Variants in TBC1D9B observed in about 807,000 individuals in gnomAD.
TBC1D9B encodes TBC1 domain family member 9B, also known as TBC1 domain family, member 9B (with GRAM domain).
A neutral mutation model predicts 121.1 loss-of-function variants in TBC1D9B; 87 were observed. The ratio of observed to expected loss-of-function variants is 0.72; its 90% CI spans 0.60 to 0.86. TBC1D9B has a LOEUF of 0.86. Among genes scored for constraint, TBC1D9B ranks in the 40% least tolerant of loss-of-function variants. The probability of loss-of-function intolerance (pLI) is 0.00; values close to 1 mark genes in which losing one functional copy is unlikely to be tolerated. For synonymous variants in TBC1D9B, 668 were observed against 670.1 expected, an observed-to-expected ratio of 1.00 and a Z score of 0.05; for missense variants, 1,540 against 1,628.6, an observed-to-expected ratio of 0.95 and a Z score of 0.94.
At position 179,904,220 on chromosome 5, in the gene TBC1D9B, C is replaced by CTTTCTTTTTTTT. The variant is rs1554098283; in HGVS notation, c.229+481_229+482insAAAAAAAAGAAA. 2.5e-5 allele frequency among the ~76,000 whole-genome samples: 2 copies of CTTTCTTTTTTTT among 80,898 alleles called. No individual in the cohort carries two copies. The highest frequency in any genetic ancestry group is 1.0e-4 in the African/African-American group (2 of 19,972). The allele number at this position is 80,898 out of a possible 152,430, so 53.1% of individuals were successfully genotyped here. A position where few individuals can be genotyped will look rare whatever the true frequency, so the allele number is the denominator to read the frequency against. ...CTGTCCCCATGACCAGTGGAGCTGC[C>CTTTCTTTTTTTT]TTTTTTTTTTTTTTTTTTTTTTGAG... On this transcript the variant is annotated intron_variant, in intron 2 of 20. Transcript: ENST00000355235. The surrounding 1 kb of genome is among the most constrained non-coding windows in gnomAD (Gnocchi z 4.2).
Position 179,865,210 on chromosome 5 carries a change from A to G in TBC1D9B, c.3021+44T>C. On this transcript the variant is annotated intron_variant, in intron 20 of 20. Transcript: ENST00000355235. This position sits in a 1 kb window ranked among gnomAD's most constrained non-coding sequence, Gnocchi z 5.1. Reference sequence around the variant, plus strand: ...GTGATGTTAGGGCCCAGTCTTGGTCAGAACTCTCCAGAAATGTCTACTGTG... The same window carrying G: ...GTGATGTTAGGGCCCAGTCTTGGTCGGAACTCTCCAGAAATGTCTACTGTG... The G allele has an allele frequency of 6.3e-7, 1 of 1,592,304 alleles. No individual in the cohort carries two copies.
rs150926780 is a variant in TBC1D9B, at chr5:179,893,343, G to A, written c.702C>T (p.Ile234=). 33 of 1,614,174 alleles carry A rather than the reference G, an allele frequency of 2.0e-5. No individual in the cohort carries two copies. The highest frequency in any genetic ancestry group is 4.4e-5 in the South Asian group (4 of 91,082). The change falls in exon 5 of 21, where the codon ATC becomes ATT. Residue 234 remains isoleucine, a synonymous_variant. Transcript: ENST00000355235. ...GCTCCATGAGCTTGAAGGTCTCGCC[G>A]ATGTTGAGGAACATGGAGAAGAAGA... The part of the protein sequence containing the change: ...QELFFSMFLN[I]GETFKLMEQL...
At chr5:179,870,181 A>T (rs776827832) in intron 16 of TBC1D9B, 74 bp downstream of exon 16, 85 of 1,583,170 alleles carry the variant, frequency 5.4e-5, no homozygotes, top group Admixed American at 3.6e-4. Flanking sequence ...CAGACAGGAG[A>T]TGCTGGCATT....
chr5:179,879,219 G>A (rs1160291771), intron 8 of TBC1D9B, 22 bp from the exon 9 acceptor site: 21 of 1,592,370 alleles, frequency 1.3e-5, no homozygotes, highest in Non-Finnish European at 1.7e-5. Flanking sequence ...GCGCATCAGG[G>A]AGCCTGGGGG....
intron 20 of TBC1D9B, among the ~76,000 whole-genome samples, chr5:179,864,449 C>A (rs534713463): frequency 6.6e-6 from 1 of 152,328 alleles, no homozygotes; most frequent in Admixed American, 6.5e-5. Flanking sequence ...TAAATCCAGT[C>A]AGTACAAGGA....
intron 12 of TBC1D9B, 34 bp from the exon 13 acceptor site, chr5:179,873,282 G>A (rs750959250): frequency 4.6e-6 from 7 of 1,538,416 alleles, no homozygotes; most frequent in Admixed American, 2.1e-5. Flanking sequence ...TCCAGACCAC[G>A]CCCAGGCAGA....
At chr5:179,900,208 A>G (rs1455906797) in intron 2 of TBC1D9B, among the ~76,000 whole-genome samples, 3 of 152,146 alleles carry the variant, frequency 2.0e-5, no homozygotes, top group Admixed American at 6.5e-5. Context: ...AAAACAAAAC[A>G]ACACACAAAA....
intron 3 of TBC1D9B, among the ~76,000 whole-genome samples, chr5:179,898,240 T>G (rs1761071093): frequency 6.6e-6 from 1 of 150,864 alleles, no homozygotes. Flanking sequence ...CAAACTCTGC[T>G]TCCCGGGTTT....
chr5:179,904,864 C>T lies in TBC1D9B; in HGVS notation c.119-52G>A. The T allele has an allele frequency of 7.1e-7, 1 of 1,402,820 alleles. No homozygotes were observed. The highest frequency in any genetic ancestry group is 9.7e-7 in the Non-Finnish European group (1 of 1,032,808). 86.9% of individuals were successfully genotyped at this position (1,402,820 alleles called of 1,614,324 possible). On this transcript the variant is annotated intron_variant, in intron 1 of 20. Coordinates refer to ENST00000355235, the MANE Select transcript of TBC1D9B (RefSeq NM_015043.4). This position sits in a 1 kb window ranked among gnomAD's most constrained non-coding sequence, Gnocchi z 4.2. ...GGGTGAGGGGAGGGCCGGACTGAGG[C>T]CCCTGAAGGCTGAGTCTGGCCGGAG...
intron 2 of TBC1D9B, among the ~76,000 whole-genome samples, chr5:179,899,674 T>C (rs1402117238): frequency 6.6e-6 from 1 of 152,184 alleles, no homozygotes; most frequent in Non-Finnish European, 1.5e-5. Flanking sequence ...AATGTGGCTT[T>C]TGCTATGTAG....
At chr5:179,893,837 C>T (rs555532942) in intron 4 of TBC1D9B, among the ~76,000 whole-genome samples, 3 of 152,186 alleles carry the variant, frequency 2.0e-5, no homozygotes, top group Non-Finnish European at 2.9e-5. Flanking sequence ...CCCCTGCTGA[C>T]GGGAGGTGAC....
chr5:179,894,400 A>G lies in TBC1D9B; in HGVS notation c.563T>C (p.Leu188Pro), dbSNP rs759975918. The change falls in exon 4 of 21, where the codon CTG (leucine) becomes CCG (proline). Residue 188 changes from leucine (L) to proline (P), a missense_variant. By Grantham distance (98) the Leu-to-Pro change is moderately conservative (BLOSUM62 -3). Transcript: ENST00000355235. Reference protein sequence around the residue: ...TVNHLCFYSFLLGKEVSLVVQ... With the variant: ...TVNHLCFYSFPLGKEVSLVVQ... ...GGCGGGCTCACCTTCCTTCCCCAGCAGGAAGGAGTAGAAGCACAGGTGGTT... is the reference window on the plus strand; with the variant it reads ...GGCGGGCTCACCTTCCTTCCCCAGCGGGAAGGAGTAGAAGCACAGGTGGTT... 1.2e-6 allele frequency: 2 copies of G among 1,613,196 alleles called. No homozygotes were observed. The highest frequency in any genetic ancestry group is 1.7e-6 in the Non-Finnish European group (2 of 1,179,518).
Position 179,865,722 on chromosome 5 carries a change from G to A in TBC1D9B, c.2914+116C>T, listed in dbSNP as rs1332754955. 2.0e-5 allele frequency: 23 copies of A among 1,171,060 alleles called. No homozygotes were observed. Among genetic ancestry groups the A allele is most frequent in the Non-Finnish European group, 2.6e-5 (21 of 821,090 alleles). 72.5% of individuals were successfully genotyped at this position (1,171,060 alleles called of 1,614,324 possible). A position where few individuals can be genotyped will look rare whatever the true frequency, so the allele number is the denominator to read the frequency against. On this transcript the variant is annotated intron_variant, in intron 19 of 20. Transcript: ENST00000355235. The surrounding 1 kb of genome is among the most constrained non-coding windows in gnomAD (Gnocchi z 5.1). ...GAGGCCTGCTCCCTGATCGGGGGAC[G>A]CATCCGCCATCTCCCGGGGTAGGGG...
chr5:179,866,000 A>T lies in TBC1D9B; in HGVS notation c.2864-112T>A. ...GTTTCTGTACAGCCAGCCCCAGGCC[A>T]GGCCCTGGGGAGCAGGTCTCCCATG... On this transcript the variant is annotated intron_variant, in intron 18 of 20. Transcript: ENST00000355235. The surrounding 1 kb of genome is among the most constrained non-coding windows in gnomAD (Gnocchi z 5.1). 8 of 1,346,414 alleles carry T rather than the reference A, an allele frequency of 5.9e-6. No individual in the cohort carries two copies. Among genetic ancestry groups the T allele is most frequent in the Non-Finnish European group, 8.4e-6 (8 of 950,040 alleles). The allele number at this position is 1,346,414 out of a possible 1,614,324, so 83.4% of individuals were successfully genotyped here.
In TBC1D9B at chr5:179,875,643, T is replaced by C. The variant is rs768810980; in HGVS notation, c.1900+277A>G. On this transcript the variant is annotated intron_variant, in intron 11 of 20. Coordinates refer to ENST00000355235, the MANE Select transcript of TBC1D9B (RefSeq NM_015043.4). The surrounding 1 kb of genome is among the most constrained non-coding windows in gnomAD (Gnocchi z 4.5). The stretch of plus-strand genomic sequence containing the variant: ...ACTTCATAACAGATTTCACTGGATA[T>C]GAGTTCAGTAAAGTTGAGCATCAGG... Among the ~76,000 whole-genome samples the C allele has an allele frequency of 6.6e-6, 1 of 152,218 alleles. No individual in the cohort carries two copies. The highest frequency in any genetic ancestry group is 2.4e-5 in the African/African-American group (1 of 41,458).
chr5:179,866,492 C>CTACACGCT, intron 18 of TBC1D9B: 1 of 152,464 alleles, frequency 6.6e-6, no homozygotes, highest in Non-Finnish European at 1.5e-5. Flanking sequence ...GGGGGCACCT[C>CTACACGCT]AGGCAGGTCG....
intron 3 of TBC1D9B, among the ~76,000 whole-genome samples, chr5:179,896,676 C>T (rs1443641890): frequency 6.6e-6 from 1 of 151,986 alleles, no homozygotes; most frequent in Non-Finnish European, 1.5e-5. Context: ...GTGCGCGACA[C>T]CATGCCCAGC....
chr5:179,879,098 G>A lies in TBC1D9B; in HGVS notation c.1516C>T (p.Leu506=). Reference sequence around the variant, plus strand: ...CGGAGGCTCTCAGGGATACCCTTCAGGACCAGTGCCCGCGTCTTGGCTGTG... The same window carrying A: ...CGGAGGCTCTCAGGGATACCCTTCAAGACCAGTGCCCGCGTCTTGGCTGTG... ...YRTAKTRALV[L]KGIPESLRGE... The change falls in exon 9 of 21, where the codon CTG becomes TTG. Residue 506 remains leucine (L), a synonymous_variant. Coordinates refer to ENST00000355235, the MANE Select transcript of TBC1D9B (RefSeq NM_015043.4). 1.2e-6 allele frequency: 2 copies of A among 1,607,432 alleles called. No homozygotes were observed. Among genetic ancestry groups the A allele is most frequent in the East Asian group, 2.2e-5 (1 of 44,870 alleles).
At chr5:179,905,182 C>CT (rs1163163664) in intron 1 of TBC1D9B, among the ~76,000 whole-genome samples, 2 of 152,134 alleles carry the variant, frequency 1.3e-5, no homozygotes, top group East Asian at 3.8e-4. Context: ...CAGAGCTACA[C>CT]GTTAAAGTTA....
Sources: allele counts gnomAD v4.1 joint callset (sites outside exome capture counted in the v4.1 genomes callset), GRCh38; gene constraint gnomAD v4.1.1; non-coding constraint Gnocchi (gnomAD v3.1); transcripts MANE v1.5; gene names NCBI Gene and HGNC (gene_info 2026-07-23, HGNC 2026-07-21).